The following GABRG3 variants were observed in gnomAD, a reference collection of about 807,000 sequenced individuals.
The protein encoded by GABRG3 is gamma-aminobutyric acid type A receptor subunit gamma3, also known as gamma-aminobutyric acid receptor subunit gamma-3.
In GABRG3, 25 loss-of-function variants were observed where a neutral mutation model predicts 48.8. The ratio of observed to expected loss-of-function variants is 0.51; its 90% CI spans 0.37 to 0.72. The LOEUF is 0.72. Among genes scored for constraint, GABRG3 ranks in the 30% least tolerant of loss-of-function variants. The pLI is 0.00. For synonymous variants in GABRG3, 227 were observed against 217.6 expected (o/e 1.04, Z -0.38); for missense variants, 394 against 577.9 (o/e 0.68, Z 3.26).
intron 3 of GABRG3, among the ~76,000 whole-genome samples, chr15:27,173,344 G>A (rs1887634652): frequency 6.6e-6 from 1 of 152,118 alleles, no homozygotes; most frequent in Admixed American, 6.6e-5. Flanking sequence ...CAGGGCTGCA[G>A]CACTGAGAAA....
At chr15:27,078,443 G>C (rs1261908674) in intron 3 of GABRG3, among the ~76,000 whole-genome samples, 2 of 152,142 alleles carry the variant, frequency 1.3e-5, no homozygotes, top group Non-Finnish European at 2.9e-5. Flanking sequence ...CAAGTTTTTA[G>C]CTCTTCTATA....
chr15:26,972,393 A>C (rs1045480097), intron 1 of GABRG3, among the ~76,000 whole-genome samples: 1 of 152,172 alleles, frequency 6.6e-6, no homozygotes, highest in East Asian at 1.9e-4. Flanking sequence ...AAAGGGTTAA[A>C]TCCTGTTGCT....
intron 5 of GABRG3, among the ~76,000 whole-genome samples, chr15:27,379,620 A>G (rs1392704634): frequency 2.6e-5 from 4 of 152,166 alleles, no homozygotes; most frequent in African/African-American, 9.6e-5. Flanking sequence ...TATTGCCAAC[A>G]AATGTTCTTA....
intron 3 of GABRG3, among the ~76,000 whole-genome samples, chr15:27,220,490 T>C (rs758463096): frequency 6.6e-6 from 1 of 152,158 alleles, no homozygotes; most frequent in Non-Finnish European, 1.5e-5. Context: ...TGACCTTCTT[T>C]AGGCTCCTCA....
rs991895758 is a variant in GABRG3 at position 26,976,387 on chromosome 15, T to G, written c.54-615T>G. Among the ~76,000 whole-genome samples, 2 of 152,226 alleles carry G rather than the reference T, an allele frequency of 1.3e-5. No individual in the cohort carries two copies. Among genetic ancestry groups the G allele is most frequent in the Non-Finnish European group, 2.9e-5 (2 of 68,032 alleles). On this transcript the variant is annotated intron_variant, in intron 1 of 9. Transcript: ENST00000615808. This position sits in a 1 kb window ranked among gnomAD's most constrained non-coding sequence, Gnocchi z 7.8. ...TGTTGACCGAGGCGTGCAAGATTGC[T>G]AGAGGGTCTTCACCAGTCATCAGCG... is the stretch of plus-strand genomic sequence containing the variant.
chr15:27,007,604 C>A (rs902983302), intron 2 of GABRG3, among the ~76,000 whole-genome samples: 1 of 152,118 alleles, frequency 6.6e-6, no homozygotes, highest in Non-Finnish European at 1.5e-5. Flanking sequence ...CTAATAATAG[C>A]CATTCTGACT....
intron 5 of GABRG3, among the ~76,000 whole-genome samples, chr15:27,463,168 C>T (rs1057425895): frequency 6.6e-6 from 1 of 151,946 alleles, no homozygotes. Context: ...GAATTACAAA[C>T]ATTGTATAAA....
At chr15:27,504,722 A>C (rs548896966) in intron 6 of GABRG3, among the ~76,000 whole-genome samples, 1 of 152,060 alleles carries the variant, frequency 6.6e-6, no homozygotes, top group Admixed American at 6.6e-5. Flanking sequence ...CCACCGCCCC[A>C]ACAAAGATTT....
At chr15:27,206,849 G>A (rs1437803680) in intron 3 of GABRG3, among the ~76,000 whole-genome samples, 3 of 152,004 alleles carry the variant, frequency 2.0e-5, no homozygotes, top group Non-Finnish European at 4.4e-5. Context: ...AGTCTGTTTT[G>A]TCTGAAATAA....
At chr15:27,293,315 GAAA>G (rs1262903178) in intron 3 of GABRG3, among the ~76,000 whole-genome samples, 1 of 152,064 alleles carries the variant, frequency 6.6e-6, no homozygotes, top group Non-Finnish European at 1.5e-5. Flanking sequence ...TGATAAAAAA[GAAA>G]AAATATAATT....
At chr15:27,527,373 G>T (rs932303966) in intron 7 of GABRG3, 60 bp from the exon 8 acceptor site, 1 of 1,521,550 alleles carries the variant, frequency 6.6e-7, no homozygotes, top group East Asian at 2.3e-5. Context: ...GTGGGTGACC[G>T]TCTGGGATTC....
chr15:27,379,641 A>T, intron 5 of GABRG3, among the ~76,000 whole-genome samples: 1 of 152,044 alleles, frequency 6.6e-6, no homozygotes, highest in East Asian at 1.9e-4. Context: ...ATTTTTATCG[A>T]AGTCTTTATT....
At chr15:27,041,738 T>C (rs757296671) in intron 3 of GABRG3, among the ~76,000 whole-genome samples, 1 of 152,220 alleles carries the variant, frequency 6.6e-6, no homozygotes, top group Non-Finnish European at 1.5e-5. Flanking sequence ...ATGTGTCTGG[T>C]CACCAGATGT....
In GABRG3 at chr15:27,294,223, C is replaced by CTTTTT. The variant is rs1162063750; in HGVS notation, c.271-32571_271-32567dup. ...CCTGCTACCTTTTCTTTTCTTTTTC[C>CTTTTT]TTTTTTTTTTTTTTTTTTTGAGACA... On this transcript the variant is annotated intron_variant, in intron 3 of 9. Transcript: ENST00000615808. Among the ~76,000 whole-genome samples, 6 of 129,298 alleles carry CTTTTT rather than the reference C, an allele frequency of 4.6e-5. 1 individual carries two copies. Among genetic ancestry groups the CTTTTT allele is most frequent in the African/African-American group, 1.5e-4 (5 of 32,350 alleles). 84.8% of individuals were successfully genotyped at this position (129,298 alleles called of 152,430 possible).
intron 1 of GABRG3, among the ~76,000 whole-genome samples, chr15:26,973,655 A>G (rs982649185): frequency 2.2e-4 from 34 of 152,194 alleles, no homozygotes; most frequent in African/African-American, 7.7e-4. Context: ...TTTGACACCC[A>G]TGGGCATCAT....
At chr15:27,328,989 GCA>G (rs1445619610) in intron 5 of GABRG3, 101 bp downstream of exon 5, 1 of 975,218 alleles carries the variant, frequency 1.0e-6, no homozygotes, top group Non-Finnish European at 1.6e-6. Context: ...CAGTGTCCCT[GCA>G]CACACAGAGA....
At chr15:27,437,191 G>GA (rs34940631) in intron 5 of GABRG3, among the ~76,000 whole-genome samples, 13 of 148,782 alleles carry the variant, frequency 8.7e-5, no homozygotes, top group South Asian at 2.1e-4. Flanking sequence ...TAGAGAAATT[G>GA]AAAAAAAAAA....
At position 27,014,477 on chromosome 15, in the gene GABRG3, T is replaced by C. The variant is rs544599398; in HGVS notation, c.203-12277T>C. Among the ~76,000 whole-genome samples the C allele has an allele frequency of 2.8e-4, 42 of 152,228 alleles. 1 individual carries two copies. Among genetic ancestry groups the C allele is most frequent in the African/African-American group, 8.7e-4 (36 of 41,564 alleles). ...CTGCTTTTGTTGTAGCCCATAAGTT[T>C]TGATATGTTGTGTTTTCTTTATTTG... On this transcript the variant is annotated intron_variant, in intron 2 of 9. Coordinates refer to ENST00000615808, the MANE Select transcript of GABRG3 (RefSeq NM_033223.5).
At chr15:27,356,131 T>A (rs1342848545) in intron 5 of GABRG3, among the ~76,000 whole-genome samples, 1 of 152,132 alleles carries the variant, frequency 6.6e-6, no homozygotes, top group Non-Finnish European at 1.5e-5. Flanking sequence ...AAAAAGAGTA[T>A]CAGTGATTCA....
Sources: gnomAD v4.1 joint callset for allele counts (sites outside exome capture counted in the v4.1 genomes callset) on GRCh38, gnomAD v4.1.1 for gene constraint, Gnocchi (gnomAD v3.1) non-coding constraint, MANE v1.5 for transcripts, NCBI Gene and HGNC (gene_info 2026-07-23, HGNC 2026-07-21) for gene names.